The following LGI4 variants were observed in gnomAD, a reference collection of about 807,000 sequenced individuals.
LGI4 encodes leucine-rich repeat LGI family member 4.
In LGI4, 36 loss-of-function variants were observed where a neutral mutation model predicts 48.3. The ratio of observed to expected loss-of-function variants is 0.75; its 90% CI spans 0.57 to 0.98. LGI4 has a LOEUF of 0.98. Ranked by LOEUF, LGI4 falls within the 50% of genes least tolerant of loss-of-function variation. LGI4 has a pLI of 0.00. For synonymous variants in LGI4, 355 were observed against 331.6 expected, an observed-to-expected ratio of 1.07 and a Z score of -0.77; for missense variants, 701 against 732.1, an observed-to-expected ratio of 0.96 and a Z score of 0.49.
rs202096210 is a variant in LGI4, at chr19:35,134,716, G to T, written c.-36C>A. 7.0e-4 allele frequency: 666 copies of T among 953,074 alleles called. 5 individuals carry two copies. The African/African-American group carries it at 0.015, about 21-fold the overall frequency. 59.0% of individuals were successfully genotyped at this position (953,074 alleles called of 1,614,324 possible). On this transcript the variant is annotated 5_prime_UTR_variant, in exon 1 of 9. Transcript: ENST00000310123. ...CCACTCTGAGGCACCCGCTTCTCCCGGCCCACCCAGCTCAGCCCAGGCCAC... is the reference window on the plus strand; with the variant it reads ...CCACTCTGAGGCACCCGCTTCTCCCTGCCCACCCAGCTCAGCCCAGGCCAC...
intron 5 of LGI4, 103 bp from the exon 6 acceptor site, chr19:35,131,658 T>C (rs1308533917): frequency 6.9e-7 from 1 of 1,446,122 alleles, no homozygotes; most frequent in Non-Finnish European, 9.4e-7. Flanking sequence ...TGGGGCCCCA[T>C]AGTGGTAAGA....
In LGI4 at chr19:35,126,953, C is replaced by T. The variant is rs771337559; in HGVS notation, c.693G>A (p.Gly231=). ...GCTGTGCCAGCACAATGTGAGGCTC[C>T]CCTTGGTAGGAGAAGGGCTCTACGC... The part of the protein sequence containing the change: ...ALSVEPFSYQ[G]EPHIVLAQPF... The change falls in exon 7 of 9, where the codon GGG becomes GGA. Residue 231 remains glycine, a synonymous_variant. Transcript: ENST00000310123. 2.5e-6 allele frequency: 4 copies of T among 1,613,644 alleles called. No homozygotes were observed. Among genetic ancestry groups the T allele is most frequent in the Non-Finnish European group, 2.5e-6 (3 of 1,179,858 alleles).
At position 35,126,174 on chromosome 19, in the gene LGI4, G is replaced by A. The variant is rs920801658; in HGVS notation, c.1299+96C>T. ...TGTGGGGTGGGGTCCTGGTTCAAAG[G>A]TCGGCATGTGAGGGTAGGTCAGAGT... On this transcript the variant is annotated intron_variant, in intron 8 of 8. Transcript: ENST00000310123. The A allele has an allele frequency of 1.2e-5, 17 of 1,375,110 alleles. No homozygotes were observed. In the African/African-American group the frequency reaches 2.0e-4, roughly 16 times the overall value. The allele number at this position is 1,375,110 out of a possible 1,614,324, so 85.2% of individuals were successfully genotyped here. A position where few individuals can be genotyped will look rare whatever the true frequency, so the allele number is the denominator to read the frequency against.
At position 35,126,294 on chromosome 19, in the gene LGI4, G is replaced by A. The variant is rs376495289; in HGVS notation, c.1275C>T (p.Leu425=). ...FQAGGDVFLC[L]TRYIGDSMVM... ...CCATGGAGTCCCCAATGTAGCGTGT[G>A]AGGCACAGGAACACGTCCCCACCAG... Residue 425 remains leucine, a synonymous_variant, in exon 8 of 9, where the codon CTC becomes CTT. Coordinates refer to ENST00000310123, the MANE Select transcript of LGI4 (RefSeq NM_139284.3). The A allele has an allele frequency of 1.2e-5, 20 of 1,611,944 alleles. No individual in the cohort carries two copies. The highest frequency in any genetic ancestry group is 2.2e-5 in the East Asian group (1 of 44,864).
chr19:35,134,640 G>T lies in LGI4; in HGVS notation c.41C>A (p.Ala14Glu). ...GGGTCTCCAGGCCACCACCACCCCC[G>T]CCCCAGCCAGCAGCAGCAGCAGAAT... ...AGILLLLLAG[A>E]GVVVAWRPPK... The change falls in exon 1 of 9, where the codon GCG (alanine) becomes GAG (glutamate). Residue 14 changes from alanine (A) to glutamate (E), a missense_variant. This residue lies in a region of LGI4 where 462 missense variants were observed against 436.4 expected (regional missense o/e 1.06). Transcript: ENST00000310123. The T allele has an allele frequency of 1.3e-6, 1 of 774,028 alleles. No individual in the cohort carries two copies. Among genetic ancestry groups the T allele is most frequent in the Non-Finnish European group, 1.8e-6 (1 of 547,682 alleles). The allele number at this position is 774,028 out of a possible 1,614,324, so 47.9% of individuals were successfully genotyped here. A position where few individuals can be genotyped will look rare whatever the true frequency, so the allele number is the denominator to read the frequency against.
At position 35,131,797 on chromosome 19, in the gene LGI4, A is replaced by G; in HGVS notation, c.450T>C (p.Leu150=). ...PRFLFRGLDT[L]THVDLRGNPF... is the part of the protein sequence containing the mutation. ...GCCCCCATGAGCCTCACACATGAGT[A>G]AGGGTGTCCAGGCCTCGGAACAGGA... The change falls in exon 5 of 9, where the codon CTT becomes CTC. Residue 150 remains leucine, a synonymous_variant. Transcript: ENST00000310123. 3.2e-6 allele frequency: 5 copies of G among 1,560,246 alleles called. No homozygotes were observed. The highest frequency in any genetic ancestry group is 4.3e-6 in the Non-Finnish European group (5 of 1,150,078).
intron 6 of LGI4, among the ~76,000 whole-genome samples, chr19:35,128,869 G>A (rs1439314163): frequency 6.6e-6 from 1 of 152,100 alleles, no homozygotes; most frequent in African/African-American, 2.4e-5. Flanking sequence ...AGGGCACACT[G>A]TATGCTGCCT....
In LGI4 at chr19:35,126,917, GC is replaced by G; in HGVS notation, c.728del (p.Gly243AlafsTer4). ...PHIVLAQPFA[G>X]RCLILSWDYS... ...AGTCCCAGGAGAGAATCAGGCAGCG[GC>G]CGGCGAAGGGCTGTGCCAGCACAAT... On this transcript the variant is annotated frameshift_variant, in exon 7 of 9. Transcript: ENST00000310123. LOFTEE classifies it high-confidence loss of function. 3 of 1,613,670 alleles carry G rather than the reference GC, an allele frequency of 1.9e-6. No homozygotes were observed. Among genetic ancestry groups the G allele is most frequent in the Non-Finnish European group, 1.7e-6 (2 of 1,179,924 alleles).
chr19:35,131,866 G>T lies in LGI4; in HGVS notation c.387-6C>A. On this transcript the variant is annotated splice_polypyrimidine_tract_variant and splice_region_variant and intron_variant, in intron 4 of 8. Transcript: ENST00000310123. ...GATGGTTATTGGCCAGGCTTCTGGT[G>T]GAGGAAGAGAAGGCACCGTCAGCAG... The T allele has an allele frequency of 1.3e-6, 2 of 1,570,952 alleles. No individual in the cohort carries two copies. The highest frequency in any genetic ancestry group is 2.3e-5 in the South Asian group (2 of 85,458).
chr19:35,132,117 A>G, intron 3 of LGI4, 75 bp from the exon 4 acceptor site: 2 of 1,224,388 alleles, frequency 1.6e-6, no homozygotes, highest in Admixed American at 4.0e-5. Flanking sequence ...ACATAGGCCC[A>G]CTGGAAGGTG....
intron 5 of LGI4, 35 bp downstream of exon 5, chr19:35,131,754 C>A: frequency 6.6e-7 from 1 of 1,508,468 alleles, no homozygotes; most frequent in East Asian, 2.5e-5. Flanking sequence ...AAACATTCCC[C>A]AACCCCCCAC....
rs2065120769 is a variant in LGI4, at chr19:35,125,022, C to T, written c.*171G>A. 4.0e-6 allele frequency: 2 copies of T among 498,226 alleles called. No homozygotes were observed. The highest frequency in any genetic ancestry group is 6.7e-6 in the Non-Finnish European group (2 of 296,526). 30.9% of individuals were successfully genotyped at this position (498,226 alleles called of 1,614,324 possible). A position where few individuals can be genotyped will look rare whatever the true frequency, so the allele number is the denominator to read the frequency against. On this transcript the variant is annotated 3_prime_UTR_variant, in exon 9 of 9. Transcript: ENST00000310123. ...CCAGTAGGCTGGGACCCTCTATGTCCCCCCATGGGTGCAGATCCTTTAAGA... is the reference window on the plus strand; with the variant it reads ...CCAGTAGGCTGGGACCCTCTATGTCTCCCCATGGGTGCAGATCCTTTAAGA...
At chr19:35,133,097 C>T (rs1160671959) in intron 3 of LGI4, among the ~76,000 whole-genome samples, 1 of 152,164 alleles carries the variant, frequency 6.6e-6, no homozygotes, top group African/African-American at 2.4e-5. Flanking sequence ...ACTGGGGCTA[C>T]CATTTTTACC....
intron 2 of LGI4, 117 bp from the exon 3 acceptor site, chr19:35,133,881 T>C: frequency 7.6e-7 from 1 of 1,313,688 alleles, no homozygotes; most frequent in Non-Finnish European, 1.1e-6. Flanking sequence ...AGTATGTGCA[T>C]GGACACAAAT....
At chr19:35,130,338 G>A (rs184862793) in intron 6 of LGI4, among the ~76,000 whole-genome samples, 139 of 152,226 alleles carry the variant, frequency 9.1e-4, no homozygotes, top group Non-Finnish European at 1.7e-3. Context: ...GGAGGGGCAG[G>A]TCCCCTTCAT....
Position 35,129,150 on chromosome 19 carries a change from C to G in LGI4, c.629-2133G>C, listed in dbSNP as rs75606410. On this transcript the variant is annotated intron_variant, in intron 6 of 8. Coordinates refer to ENST00000310123, the MANE Select transcript of LGI4 (RefSeq NM_139284.3). ...GTCGCAACCACAGTGACCATCACCT[C>G]TCACAGGGCTGGGCACTGAGTGGAC... 7.6e-3 allele frequency among the ~76,000 whole-genome samples: 1,157 copies of G among 152,316 alleles called. 18 individuals carry two copies. Among genetic ancestry groups the G allele is most frequent in the African/African-American group, 0.026 (1,095 of 41,570 alleles).
In LGI4 at chr19:35,131,562, C is replaced by A; in HGVS notation, c.459-7G>T. On this transcript the variant is annotated splice_region_variant and splice_polypyrimidine_tract_variant and intron_variant, in intron 5 of 8. Transcript: ENST00000310123. ...CGGGTTCCCGCGGAGGTCCCTGGGG[C>A]AAGAGGCCAGGGAGGGGCTGCGACC... The A allele has an allele frequency of 6.5e-7, 1 of 1,549,100 alleles. No homozygotes were observed. The highest frequency in any genetic ancestry group is 2.4e-5 in the East Asian group (1 of 40,898).
rs1244716438 is a variant in LGI4, at chr19:35,125,026, C to G, written c.*167G>C. ...TAGGCTGGGACCCTCTATGTCCCCC[C>G]ATGGGTGCAGATCCTTTAAGAAGTG... On this transcript the variant is annotated 3_prime_UTR_variant, in exon 9 of 9. Transcript: ENST00000310123. 3.9e-6 allele frequency: 2 copies of G among 515,142 alleles called. No homozygotes were observed. The highest frequency in any genetic ancestry group is 1.9e-5 in the African/African-American group (1 of 52,214). The allele number at this position is 515,142 out of a possible 1,614,324, so 31.9% of individuals were successfully genotyped here.
chr19:35,125,258 A>G lies in LGI4; in HGVS notation c.1549T>C (p.Phe517Leu). The G allele has an allele frequency of 6.3e-7, 1 of 1,594,538 alleles. No homozygotes were observed. Among genetic ancestry groups the G allele is most frequent in the Non-Finnish European group, 8.6e-7 (1 of 1,168,984 alleles). Reference sequence around the variant, plus strand: ...GTGGGGCCCTTAAAGCAAGCAGCAAAGAGGAAGCGTCTGCCGGCCATAGTG... The same window carrying G: ...GTGGGGCCCTTAAAGCAAGCAGCAAGGAGGAAGCGTCTGCCGGCCATAGTG... ...HITMAGRRFL[F>L]AACFKGPTQI... Residue 517 changes from phenylalanine to leucine, a missense_variant, in exon 9 of 9, where the codon TTT becomes CTT. Around this residue, in one of 3 missense-constraint regions of LGI4, gnomAD observed 223 missense variants for 263.3 expected, o/e 0.85. Coordinates refer to ENST00000310123, the MANE Select transcript of LGI4 (RefSeq NM_139284.3).
Sources: allele counts gnomAD v4.1 joint callset (sites outside exome capture counted in the v4.1 genomes callset), GRCh38; gene constraint gnomAD v4.1.1; regional missense constraint gnomAD v4.1.1; transcripts MANE v1.5; gene names NCBI Gene and HGNC (gene_info 2026-07-23, HGNC 2026-07-21).